Variants in ZMYM6 observed in about 807,000 individuals in gnomAD.
ZMYM6 encodes the protein zinc finger MYM-type protein 6.
In ZMYM6, 90 loss-of-function variants were observed where a neutral mutation model predicts 134.0. The ratio of observed to expected loss-of-function variants is 0.67; its 90% confidence interval spans 0.57 to 0.80. The LOEUF (loss-of-function observed/expected upper bound fraction) is 0.80. Ranked by LOEUF, ZMYM6 falls within the 30% of genes least tolerant of loss-of-function variation. ZMYM6 has a pLI of 0.00. For synonymous variants in ZMYM6, 481 were observed against 524.1 expected, an observed-to-expected ratio of 0.92 and a Z score of 1.12; for missense variants, 1,362 against 1,533.9, an observed-to-expected ratio of 0.89 and a Z score of 1.87.
At chr1:35,011,833 T>C (rs1641091817) in intron 8 of ZMYM6, 57 bp downstream of exon 8, 1 of 1,228,852 alleles carries the variant, frequency 8.1e-7, no homozygotes, top group Middle Eastern at 2.0e-4. Context: ...GTTAACACTG[T>C]GCCACAGATC....
At chr1:35,002,431 C>G (rs1053339163) in intron 14 of ZMYM6, among the ~76,000 whole-genome samples, 1 of 152,124 alleles carries the variant, frequency 6.6e-6, no homozygotes. Flanking sequence ...TGTAGTAAAC[C>G]TTTTGTCTCA....
chr1:35,014,719 G>A lies in ZMYM6; in HGVS notation c.773C>T (p.Thr258Ile). 1 of 1,613,982 alleles carries A rather than the reference G, an allele frequency of 6.2e-7. No individual in the cohort carries two copies. Among genetic ancestry groups the A allele is most frequent in the Non-Finnish European group, 8.5e-7 (1 of 1,179,954 alleles). The change falls in exon 6 of 16, where the codon ACA (threonine) becomes ATA (isoleucine). Residue 258 changes from threonine to isoleucine, a missense_variant. By Grantham distance (89) the Thr-to-Ile change is moderately conservative. Transcript: ENST00000357182. ...TACCTGCTTGTATGCCGTGACACTT[G>A]TTGAACTAAAAACCTTCTGGGATTG... ...PCQSQKVFSS[T>I]SVTAYKQNSA...
chr1:35,015,018 A>C lies in ZMYM6; in HGVS notation c.573T>G (p.Thr191=). ...CATTCTTCTGACACATACTGCACTT[A>C]GTTGAAATGCTTTTGGTATATATGG... ...VVTIYTKSIS[T]KCSMCQKNAD... The change falls in exon 5 of 16, where the codon ACT becomes ACG. Residue 191 remains threonine, a synonymous_variant. Coordinates refer to ENST00000357182, the MANE Select transcript of ZMYM6 (RefSeq NM_007167.4). 6.2e-7 allele frequency: 1 copy of C among 1,613,098 alleles called. No homozygotes were observed. The highest frequency in any genetic ancestry group is 8.5e-7 in the Non-Finnish European group (1 of 1,179,800).
intron 10 of ZMYM6, among the ~76,000 whole-genome samples, chr1:35,010,209 TG>T (rs533303303): frequency 3.4e-4 from 51 of 151,746 alleles, no homozygotes; most frequent in African/African-American, 1.1e-3. Context: ...TTAACAGAGA[TG>T]GGGTTTCACC....
chr1:35,001,102 C>T (rs946197752), intron 14 of ZMYM6, among the ~76,000 whole-genome samples: 1 of 152,146 alleles, frequency 6.6e-6, no homozygotes, highest in Non-Finnish European at 1.5e-5. Context: ...AAAATATTTA[C>T]TATCTAGACT....
rs571362334 is a variant in ZMYM6 at position 35,009,076 on chromosome 1, A to C, written c.1493-152T>G. The C allele has an allele frequency of 6.9e-6, 5 of 728,998 alleles. No individual in the cohort carries two copies. In the South Asian group the frequency reaches 1.3e-4, roughly 19 times the overall value. 45.2% of individuals were successfully genotyped at this position (728,998 alleles called of 1,614,324 possible). On this transcript the variant is annotated intron_variant, in intron 10 of 15. Coordinates refer to ENST00000357182, the MANE Select transcript of ZMYM6 (RefSeq NM_007167.4). ...ATTACAGGACAGTCTCTATATTCAC[A>C]AACCAAACTCATACCACCTTTTATT...
chr1:35,007,098 T>A lies in ZMYM6; in HGVS notation c.1666A>T (p.Met556Leu). 1 of 1,586,822 alleles carries A rather than the reference T, an allele frequency of 6.3e-7. No individual in the cohort carries two copies. The highest frequency in any genetic ancestry group is 8.6e-7 in the Non-Finnish European group (1 of 1,169,200). ...CGTTTACAACCATCACACTTGGCCA[T>A]CTGAAAAAGAAATGTTAGACAAGAT... ...MSKFTVLFYQMAKCDGCKRQG... is the reference protein window; with the variant it reads ...MSKFTVLFYQLAKCDGCKRQG... Residue 556 changes from methionine (M) to leucine (L), a missense_variant and splice_region_variant, in exon 12 of 16, where the codon ATG (methionine) becomes TTG (leucine). Met to Leu is a conservative substitution (Grantham distance 15). This residue lies in a region of ZMYM6 where 824 missense variants were observed against 940.9 expected (regional missense o/e 0.88). Transcript: ENST00000357182.
chr1:35,016,108 G>C (rs377541678), intron 4 of ZMYM6, among the ~76,000 whole-genome samples: 14 of 151,968 alleles, frequency 9.2e-5, no homozygotes, highest in African/African-American at 3.4e-4. Flanking sequence ...GTGCCACCAT[G>C]CCAGGCTAAT....
intron 6 of ZMYM6, chr1:35,013,036 A>G (rs969419358): frequency 1.0e-6 from 1 of 955,980 alleles, no homozygotes; most frequent in Non-Finnish European, 1.2e-6. Context: ...ATCCTACACA[A>G]CTACCTATTT....
intron 14 of ZMYM6, among the ~76,000 whole-genome samples, chr1:35,002,323 G>T (rs1342383931): frequency 6.6e-6 from 1 of 152,202 alleles, no homozygotes; most frequent in Non-Finnish European, 1.5e-5. Flanking sequence ...AAGCTGAAAT[G>T]TTTTCATAGC....
intron 6 of ZMYM6, chr1:35,013,442 A>G (rs1178515863): frequency 1.0e-6 from 1 of 983,966 alleles, no homozygotes; most frequent in Non-Finnish European, 1.2e-6. Flanking sequence ...GTAAAAAGAC[A>G]GAGTACAATA....
At chr1:35,005,415 G>T in intron 12 of ZMYM6, 143 bp from the exon 13 acceptor site, 1 of 878,834 alleles carries the variant, frequency 1.1e-6, no homozygotes, top group Non-Finnish European at 1.7e-6. Context: ...ATGTTAGGTT[G>T]GGTGACTCTG....
At chr1:35,004,289 C>G (rs950810404) in intron 13 of ZMYM6, among the ~76,000 whole-genome samples, 7 of 152,164 alleles carry the variant, frequency 4.6e-5, no homozygotes, top group African/African-American at 1.4e-4. Flanking sequence ...CAGGGAGTAC[C>G]TCTGAGCCTT....
At chr1:35,019,720 T>G in intron 3 of ZMYM6, 118 bp from the exon 4 acceptor site, 3 of 1,215,884 alleles carry the variant, frequency 2.5e-6, no homozygotes, top group Non-Finnish European at 3.3e-6. Flanking sequence ...TCACCCAGGC[T>G]GGAGTGCAGT....
intron 14 of ZMYM6, among the ~76,000 whole-genome samples, chr1:34,995,838 T>A (rs1479448464): frequency 6.6e-6 from 1 of 152,244 alleles, no homozygotes; most frequent in African/African-American, 2.4e-5. Context: ...TGCTTCTGAC[T>A]ACAAAGTGTA....
chr1:35,016,271 A>T (rs1026227207), intron 4 of ZMYM6, among the ~76,000 whole-genome samples: 3 of 152,206 alleles, frequency 2.0e-5, no homozygotes, highest in Non-Finnish European at 4.4e-5. Context: ...GAATGTTTAA[A>T]AATTAAAAGT....
chr1:35,026,201 A>G (rs2148462341), intron 2 of ZMYM6, among the ~76,000 whole-genome samples: 1 of 152,128 alleles, frequency 6.6e-6, no homozygotes, highest in Middle Eastern at 3.4e-3. Context: ...TTGTATTTTT[A>G]GTAGAGACAG....
At chr1:34,997,736 C>G (rs935460650) in intron 14 of ZMYM6, among the ~76,000 whole-genome samples, 63 of 152,148 alleles carry the variant, frequency 4.1e-4, no homozygotes, top group Admixed American at 1.6e-3. Flanking sequence ...TTTATGGCTT[C>G]CGGGTTTTGT....
rs1000208212 is a variant in ZMYM6, at chr1:34,986,780, T to G, written c.*324A>C. The G allele has an allele frequency of 3.0e-5, 5 of 165,690 alleles. No individual in the cohort carries two copies. The highest frequency in any genetic ancestry group is 6.4e-5 in the Non-Finnish European group (5 of 77,556). The allele number at this position is 165,690 out of a possible 1,614,324, so 10.3% of individuals were successfully genotyped here. A position where few individuals can be genotyped will look rare whatever the true frequency, so the allele number is the denominator to read the frequency against. ...GTAAGTAGCTGGTTGGCTAGAAGAC[T>G]GAAATGTTCCACTTGCTTCTAAAGG... On this transcript the variant is annotated 3_prime_UTR_variant, in exon 16 of 16. Transcript: ENST00000357182.
Sources: gnomAD v4.1 joint callset for allele counts (sites outside exome capture counted in the v4.1 genomes callset) on GRCh38, gnomAD v4.1.1 for gene constraint, gnomAD v4.1.1 regional missense constraint, MANE v1.5 for transcripts, NCBI Gene and HGNC (gene_info 2026-07-23, HGNC 2026-07-21) for gene names.